Variants in ARB2A observed in about 807,000 individuals in gnomAD.
The protein encoded by ARB2A is ARB2 cotranscriptional regulator A, also known as cotranscriptional regulator ARB2A.
the ARB2A span, among the ~76,000 whole-genome samples, chr5:93,657,101 G>C: frequency 6.6e-6 from 1 of 152,180 alleles, no homozygotes; most frequent in Non-Finnish European, 1.5e-5. Context: ...TCCAGTATCT[G>C]TAGATCTGAG....
At chr5:93,986,371 G>A in the ARB2A span, among the ~76,000 whole-genome samples, 8 of 150,230 alleles carry the variant, frequency 5.3e-5, no homozygotes, top group Non-Finnish European at 7.4e-5. Context: ...GGTGAGGGGC[G>A]CCCCCGCCCG....
the ARB2A span, among the ~76,000 whole-genome samples, chr5:93,857,327 GA>G: frequency 6.6e-6 from 1 of 152,174 alleles, no homozygotes; most frequent in African/African-American, 2.4e-5. Context: ...GTCAGACGGG[GA>G]CATTTAAGTC....
the ARB2A span, among the ~76,000 whole-genome samples, chr5:94,039,422 T>C: frequency 6.6e-6 from 1 of 152,074 alleles, no homozygotes; most frequent in Non-Finnish European, 1.5e-5. Flanking sequence ...TAACCTCTGG[T>C]CCTCACTGCT....
chr5:93,806,890 C>T, the ARB2A span, among the ~76,000 whole-genome samples: 1 of 151,882 alleles, frequency 6.6e-6, no homozygotes, highest in Admixed American at 6.6e-5. Flanking sequence ...AAACAGTATA[C>T]ACAAAAATGT....
the ARB2A span, among the ~76,000 whole-genome samples, chr5:94,098,488 T>C: frequency 1.3e-5 from 2 of 152,122 alleles, no homozygotes; most frequent in Non-Finnish European, 2.9e-5. Flanking sequence ...TAAAGCAATG[T>C]TAAAATGGAA....
At chr5:93,891,234 GA>G in the ARB2A span, among the ~76,000 whole-genome samples, 1 of 152,030 alleles carries the variant, frequency 6.6e-6, no homozygotes, top group African/African-American at 2.4e-5. Context: ...CCCATTCTAA[GA>G]AAATCTACAA....
the ARB2A span, chr5:93,866,025 AC>A: frequency 1.0e-6 from 1 of 984,764 alleles, no homozygotes; most frequent in Non-Finnish European, 1.2e-6. Flanking sequence ...AAGAGAAAAA[AC>A]GTTGCTAAAT....
the ARB2A span, among the ~76,000 whole-genome samples, chr5:94,067,438 T>C: frequency 6.6e-6 from 1 of 152,118 alleles, no homozygotes; most frequent in East Asian, 1.9e-4. Flanking sequence ...TAGAAAAACC[T>C]AAAGACTCCA....
At chr5:93,928,149 C>T in the ARB2A span, among the ~76,000 whole-genome samples, 1 of 152,080 alleles carries the variant, frequency 6.6e-6, no homozygotes, top group African/African-American at 2.4e-5. Flanking sequence ...TCAGGAAGAA[C>T]TGCTGAGGTT....
the ARB2A span, among the ~76,000 whole-genome samples, chr5:93,628,349 G>A: frequency 3.9e-5 from 6 of 152,044 alleles, no homozygotes; most frequent in Non-Finnish European, 7.4e-5. Flanking sequence ...GTGCCCAGCC[G>A]ATGCAGCATA....
chr5:94,068,894 G>T, the ARB2A span, among the ~76,000 whole-genome samples: 6 of 150,934 alleles, frequency 4.0e-5, no homozygotes, highest in East Asian at 2.0e-4. Flanking sequence ...AAGGAGCCAG[G>T]TGTGGTGGTG....
chr5:93,636,404 G>C, the ARB2A span, among the ~76,000 whole-genome samples: 1 of 152,170 alleles, frequency 6.6e-6, no homozygotes, highest in South Asian at 2.1e-4. Context: ...AGGAGCTTTT[G>C]GGAGGTGATT....
chr5:94,018,738 T>C, the ARB2A span, among the ~76,000 whole-genome samples: 20 of 152,108 alleles, frequency 1.3e-4, no homozygotes, highest in African/African-American at 4.3e-4. Flanking sequence ...GGGAGTAGTA[T>C]ATAGATTCAG....
At chr5:94,067,618 A>G in the ARB2A span, among the ~76,000 whole-genome samples, 1 of 152,318 alleles carries the variant, frequency 6.6e-6, no homozygotes, top group Non-Finnish European at 1.5e-5. Flanking sequence ...AAATTTAACC[A>G]AAGAGGTGAA....
the ARB2A span, among the ~76,000 whole-genome samples, chr5:94,002,809 T>A: frequency 6.6e-6 from 1 of 151,944 alleles, no homozygotes; most frequent in Non-Finnish European, 1.5e-5. Context: ...AAAACTAACA[T>A]ATTTTCAAAG....
At chr5:93,840,150 T>C in the ARB2A span, among the ~76,000 whole-genome samples, 1 of 152,306 alleles carries the variant, frequency 6.6e-6, no homozygotes, top group East Asian at 1.9e-4. Flanking sequence ...TGCTATAAAA[T>C]TCCCTCTTAA....
At chr5:93,912,922 T>C in the ARB2A span, among the ~76,000 whole-genome samples, 1 of 152,054 alleles carries the variant, frequency 6.6e-6, no homozygotes, top group African/African-American at 2.4e-5. Flanking sequence ...AAAAAAAATT[T>C]AGCATACATA....
At chr5:94,038,809 T>TAA in the ARB2A span, among the ~76,000 whole-genome samples, 8 of 135,030 alleles carry the variant, frequency 5.9e-5, no homozygotes, top group Admixed American at 7.4e-5. Flanking sequence ...AGGAAAATAC[T>TAA]AAAAAAAAAA....
At chr5:93,668,257 C>T in the ARB2A span, among the ~76,000 whole-genome samples, 1 of 152,132 alleles carries the variant, frequency 6.6e-6, no homozygotes, top group African/African-American at 2.4e-5. Context: ...GCATGCACCA[C>T]CATGCCTGGC....
Sources: allele counts gnomAD v4.1 joint callset (sites outside exome capture counted in the v4.1 genomes callset), GRCh38; gene constraint gnomAD v4.1.1; transcripts MANE v1.5; gene names NCBI Gene and HGNC (gene_info 2026-07-23, HGNC 2026-07-21).